Variants in PRRG1 observed in about 807,000 individuals in gnomAD.
PRRG1 encodes proline rich and Gla domain 1.
Under a neutral mutation model 11.8 loss-of-function variants are expected in PRRG1, and 5 were observed. The observed-to-expected ratio is 0.42, with a 90% CI of 0.22 to 0.89. PRRG1 has a LOEUF of 0.89. Ranked by LOEUF, PRRG1 falls within the 40% of genes least tolerant of loss-of-function variation. The probability of loss-of-function intolerance (pLI) is 0.28; values close to 1 mark genes in which losing one functional copy is unlikely to be tolerated. For synonymous variants in PRRG1, 66 were observed against 60.4 expected (o/e 1.09, Z -0.43); for missense variants, 155 against 166.1 (o/e 0.93, Z 0.37).
At chrX:37,367,584 ATT>A (rs1182800140) in intron 1 of PRRG1, among the ~76,000 whole-genome samples, 2 of 106,086 alleles carry the variant, frequency 1.9e-5, no homozygotes, top group South Asian at 7.9e-4. Context: ...TAAATGGTGG[ATT>A]TTTTTTTTTG....
chrX:37,396,676 G>A (rs1013564592), intron 1 of PRRG1, among the ~76,000 whole-genome samples: 1 of 110,934 alleles, frequency 9.0e-6, no homozygotes, highest in Non-Finnish European at 1.9e-5. Flanking sequence ...TCAGCAATGT[G>A]AGAAGAGACT....
At chrX:37,419,307 A>G (rs1186206234) in intron 2 of PRRG1, among the ~76,000 whole-genome samples, 1 of 111,853 alleles carries the variant, frequency 8.9e-6, no homozygotes, top group Non-Finnish European at 1.9e-5. Context: ...CTATCAACAT[A>G]TATTTGACCA....
intron 1 of PRRG1, among the ~76,000 whole-genome samples, chrX:37,371,300 G>A (rs1930754257): frequency 8.9e-6 from 1 of 112,165 alleles, no homozygotes; most frequent in African/African-American, 3.2e-5. Context: ...CACCCTGCCT[G>A]TGGAGAGGAG....
chrX:37,410,095 G>A (rs782150150), intron 2 of PRRG1, among the ~76,000 whole-genome samples: 8 of 111,786 alleles, frequency 7.2e-5, no homozygotes, highest in Non-Finnish European at 1.1e-4. Flanking sequence ...TCCATTGTGT[G>A]TGGCACTGAA....
intron 3 of PRRG1, among the ~76,000 whole-genome samples, chrX:37,443,014 G>A (rs1933013271): frequency 8.9e-6 from 1 of 112,374 alleles, no homozygotes; most frequent in South Asian, 3.7e-4. Flanking sequence ...CAACTGTTAA[G>A]CCAGTGACTG....
intron 3 of PRRG1, among the ~76,000 whole-genome samples, chrX:37,446,564 A>G (rs144315725): frequency 0.014 from 1,620 of 112,228 alleles, 11 homozygotes; most frequent in Non-Finnish European, 0.02. Flanking sequence ...AGTGTCTTTC[A>G]TACCAGCCCC....
intron 1 of PRRG1, among the ~76,000 whole-genome samples, chrX:37,383,995 A>C (rs1285014153): frequency 3.7e-5 from 4 of 109,580 alleles, no homozygotes; most frequent in African/African-American, 1.3e-4. Context: ...ACCTAATGCC[A>C]TAGTGCATTC....
At chrX:37,399,014 C>A (rs1229545899) in intron 1 of PRRG1, among the ~76,000 whole-genome samples, 1 of 111,961 alleles carries the variant, frequency 8.9e-6, no homozygotes, top group Non-Finnish European at 1.9e-5. Context: ...ATTGGTGTAC[C>A]TGAAAGTGAC....
chrX:37,361,890 G>A (rs1264078423), intron 1 of PRRG1, among the ~76,000 whole-genome samples: 1 of 112,143 alleles, frequency 8.9e-6, no homozygotes, highest in Non-Finnish European at 1.9e-5. Context: ...GAAAAAGCAG[G>A]AAAAGTCAGA....
intron 3 of PRRG1, among the ~76,000 whole-genome samples, chrX:37,448,123 T>G (rs781826730): frequency 8.9e-6 from 1 of 111,998 alleles, no homozygotes; most frequent in Non-Finnish European, 1.9e-5. Flanking sequence ...GAGCAAAGAA[T>G]TGGACAAAAC....
chrX:37,432,914 A>G (rs1556390854), intron 3 of PRRG1, among the ~76,000 whole-genome samples: 2 of 111,615 alleles, frequency 1.8e-5, no homozygotes, highest in Non-Finnish European at 3.8e-5. Context: ...TCTGATCTCA[A>G]TAAGTAGTAA....
intron 1 of PRRG1, among the ~76,000 whole-genome samples, chrX:37,361,714 A>C (rs1258560003): frequency 1.8e-5 from 2 of 111,460 alleles, no homozygotes; most frequent in African/African-American, 6.5e-5. Context: ...TTCAGTGACA[A>C]AGCCTTGTTA....
chrX:37,363,341 T>G (rs1218611292), intron 1 of PRRG1, among the ~76,000 whole-genome samples: 1 of 112,132 alleles, frequency 8.9e-6, no homozygotes, highest in East Asian at 2.8e-4. Flanking sequence ...TTTACGAAGA[T>G]AAAATATATA....
At chrX:37,439,611 C>T (rs1932937379) in intron 3 of PRRG1, among the ~76,000 whole-genome samples, 1 of 110,694 alleles carries the variant, frequency 9.0e-6, no homozygotes, top group Admixed American at 9.6e-5. Context: ...GATGGTTATG[C>T]CAGGGGCTTT....
At chrX:37,413,948 T>C (rs1013056294) in intron 2 of PRRG1, among the ~76,000 whole-genome samples, 4 of 112,182 alleles carry the variant, frequency 3.6e-5, no homozygotes, top group Non-Finnish European at 3.8e-5. Context: ...CATACAGTTT[T>C]GTAGCCTAGG....
intron 1 of PRRG1, among the ~76,000 whole-genome samples, chrX:37,387,793 C>T (rs1931380393): frequency 9.0e-6 from 1 of 111,363 alleles, no homozygotes; most frequent in Admixed American, 9.5e-5. Context: ...ACAATCATGC[C>T]TTCCCAATAG....
chrX:37,408,699 C>T (rs1202967315), intron 2 of PRRG1, among the ~76,000 whole-genome samples: 1 of 111,910 alleles, frequency 8.9e-6, no homozygotes, highest in Admixed American at 9.5e-5. Flanking sequence ...CCCAAGGACC[C>T]CCTTTCCTAT....
At chrX:37,403,276 T>C (rs1168665962) in intron 1 of PRRG1, among the ~76,000 whole-genome samples, 11 of 110,004 alleles carry the variant, frequency 1.0e-4, no homozygotes, top group African/African-American at 3.6e-4. Flanking sequence ...GTGGCACATA[T>C]ACACCATGGA....
intron 3 of PRRG1, among the ~76,000 whole-genome samples, chrX:37,430,839 A>G (rs1416749996): frequency 1.8e-5 from 2 of 111,479 alleles, no homozygotes; most frequent in Non-Finnish European, 3.8e-5. Context: ...CACTGCAATC[A>G]AGTAGCAGAT....
Sources: gnomAD v4.1 joint callset for allele counts (sites outside exome capture counted in the v4.1 genomes callset) on GRCh38, gnomAD v4.1.1 for gene constraint, MANE v1.5 for transcripts, NCBI Gene and HGNC (gene_info 2026-07-23, HGNC 2026-07-21) for gene names.